The following CDK8 variants were observed in gnomAD, a reference collection of about 807,000 sequenced individuals.
CDK8 encodes the protein cyclin dependent kinase 8.
CDK8 carries 29 observed loss-of-function variants against 71.5 expected under a neutral mutation model. That is an observed-to-expected ratio of 0.41 (90% confidence interval 0.30 to 0.55). CDK8 has a LOEUF of 0.55. Ranked by LOEUF, CDK8 falls within the 20% of genes least tolerant of loss-of-function variation. The pLI is 0.37. For missense variants in CDK8, 288 were observed against 572.6 expected (o/e 0.50, Z 5.07); for synonymous variants, 161 against 192.1 (o/e 0.84, Z 1.34).
At chr13:26,365,780 G>A (rs1382718042) in intron 4 of CDK8, among the ~76,000 whole-genome samples, 2 of 151,904 alleles carry the variant, frequency 1.3e-5, no homozygotes, top group African/African-American at 2.4e-5. Flanking sequence ...GGACAGATAG[G>A]GAGACAAGAA....
chr13:26,362,263 G>T (rs1874183453), intron 4 of CDK8, among the ~76,000 whole-genome samples: 1 of 149,702 alleles, frequency 6.7e-6, no homozygotes, highest in Non-Finnish European at 1.5e-5. Flanking sequence ...TGGATGGATG[G>T]ATGGATAGAT....
intron 4 of CDK8, among the ~76,000 whole-genome samples, chr13:26,380,347 T>G (rs1293510624): frequency 6.6e-6 from 1 of 151,916 alleles, no homozygotes; most frequent in Non-Finnish European, 1.5e-5. Flanking sequence ...GCCCAGCTAA[T>G]TTTTGTATTT....
At chr13:26,311,728 T>C (rs1007210365) in intron 1 of CDK8, among the ~76,000 whole-genome samples, 1 of 142,670 alleles carries the variant, frequency 7.0e-6, no homozygotes, top group Non-Finnish European at 1.5e-5. Context: ...CCTCTCATTC[T>C]CTTTTATGGT....
rs1873138298 is a variant in CDK8, at chr13:26,339,573, A to C, written c.204+1931A>C. On this transcript the variant is annotated intron_variant, in intron 2 of 12. Transcript: ENST00000381527. ...TTAGGTTCTTTAGCATTATCATATAAATTTTTACATCAGCTAATTAGTTTT... is the reference window on the plus strand; with the variant it reads ...TTAGGTTCTTTAGCATTATCATATACATTTTTACATCAGCTAATTAGTTTT... Among the ~76,000 whole-genome samples, 3 of 150,504 alleles carry C rather than the reference A, an allele frequency of 2.0e-5. No homozygotes were observed. In the South Asian group the frequency reaches 6.3e-4, roughly 31 times the overall value.
chr13:26,320,389 C>CAACAA (rs1165670595), intron 1 of CDK8, among the ~76,000 whole-genome samples: 1 of 151,400 alleles, frequency 6.6e-6, no homozygotes, highest in East Asian at 1.9e-4. Context: ...CTAGCCTGGG[C>CAACAA]AACAAAGCAA....
chr13:26,353,264 G>C lies in CDK8; in HGVS notation c.316-476G>C, dbSNP rs17083898. 4.1e-3 allele frequency among the ~76,000 whole-genome samples: 617 copies of C among 152,156 alleles called. 5 individuals are homozygous for C. The highest frequency in any genetic ancestry group is 0.014 in the African/African-American group (566 of 41,524). On this transcript the variant is annotated intron_variant, in intron 3 of 12. Transcript: ENST00000381527. ...TTTTTACATTTTTCCATTGTGAACT[G>C]GTATATCATTTCTTTGTGCTTGTGT...
At position 26,359,303 on chromosome 13, in the gene CDK8, T is replaced by G. The variant is rs548667741; in HGVS notation, c.456+5423T>G. ...GATGTACGGTGGTTGCACAGCATTA[T>G]GAATGTGCATTTAATACTGAACTGT... On this transcript the variant is annotated intron_variant, in intron 4 of 12. Transcript: ENST00000381527. 2.6e-5 allele frequency among the ~76,000 whole-genome samples: 4 copies of G among 152,214 alleles called. No individual in the cohort carries two copies. The South Asian group carries it at 6.2e-4, about 24-fold the overall frequency.
At chr13:26,276,132 A>T (rs1270955254) in intron 1 of CDK8, among the ~76,000 whole-genome samples, 1 of 152,192 alleles carries the variant, frequency 6.6e-6, no homozygotes, top group East Asian at 1.9e-4. Flanking sequence ...AAGTGCTGGG[A>T]TTACAGGCGT....
At chr13:26,287,982 A>T (rs1873101444) in intron 1 of CDK8, among the ~76,000 whole-genome samples, 1 of 151,986 alleles carries the variant, frequency 6.6e-6, no homozygotes. Context: ...TTATTTTTTT[A>T]GATGGAGTCT....
intron 4 of CDK8, among the ~76,000 whole-genome samples, chr13:26,370,196 A>G (rs1381170189): frequency 1.3e-5 from 2 of 152,240 alleles, no homozygotes; most frequent in Admixed American, 6.5e-5. Flanking sequence ...ATAGAACCTG[A>G]TAAAGATAAT....
intron 12 of CDK8, among the ~76,000 whole-genome samples, chr13:26,402,940 G>A (rs1876331788): frequency 6.6e-6 from 1 of 152,158 alleles, no homozygotes; most frequent in Admixed American, 6.5e-5. Flanking sequence ...CCTTTTCTAG[G>A]ATTGGCAGAA....
intron 1 of CDK8, among the ~76,000 whole-genome samples, chr13:26,297,187 T>C (rs1210027944): frequency 6.6e-6 from 1 of 152,124 alleles, no homozygotes; most frequent in East Asian, 1.9e-4. Context: ...CAAAGGAAAA[T>C]GTTTATAAAC....
At chr13:26,365,286 A>T (rs554070081) in intron 4 of CDK8, among the ~76,000 whole-genome samples, 1 of 152,172 alleles carries the variant, frequency 6.6e-6, no homozygotes, top group Non-Finnish European at 1.5e-5. Flanking sequence ...TCTTACTTAA[A>T]TGACCAGCTG....
chr13:26,256,595 A>G (rs1871534466), intron 1 of CDK8, among the ~76,000 whole-genome samples: 1 of 152,184 alleles, frequency 6.6e-6, no homozygotes, highest in Admixed American at 6.5e-5. Context: ...AATACTGTGT[A>G]TTGGCAGGGG....
chr13:26,272,553 T>G (rs1181571169), intron 1 of CDK8, among the ~76,000 whole-genome samples: 1 of 152,194 alleles, frequency 6.6e-6, no homozygotes, highest in Non-Finnish European at 1.5e-5. Context: ...TTAAAAAGAA[T>G]AAGTCAAACT....
intron 4 of CDK8, among the ~76,000 whole-genome samples, chr13:26,369,709 C>CTTTTTTTTTTT (rs36116401): frequency 4.1e-4 from 39 of 95,346 alleles, no homozygotes; most frequent in African/African-American, 7.2e-4. Context: ...TTCTTTCTTT[C>CTTTTTTTTTTT]TTTTTTTTTT....
intron 6 of CDK8, among the ~76,000 whole-genome samples, chr13:26,389,285 G>A (rs548912221): frequency 5.8e-4 from 89 of 152,148 alleles, no homozygotes; most frequent in African/African-American, 1.9e-3. Flanking sequence ...TCAGCCTCCC[G>A]AGTAGCTGGG....
chr13:26,346,160 A>C (rs9553794), intron 2 of CDK8, among the ~76,000 whole-genome samples: 135,219 of 152,146 alleles, frequency 0.89, 60,353 homozygotes, highest in East Asian at 0.99. Flanking sequence ...AATTATTTAA[A>C]CCCCTTAAAC....
chr13:26,279,106 CTA>C (rs1872651896), intron 1 of CDK8, among the ~76,000 whole-genome samples: 1 of 151,438 alleles, frequency 6.6e-6, no homozygotes, highest in Non-Finnish European at 1.5e-5. Context: ...ATAATTTGTC[CTA>C]TAACGAACCC....
Sources: gnomAD v4.1 joint callset for allele counts (sites outside exome capture counted in the v4.1 genomes callset) on GRCh38, gnomAD v4.1.1 for gene constraint, MANE v1.5 for transcripts, NCBI Gene and HGNC (gene_info 2026-07-23, HGNC 2026-07-21) for gene names.